Variants in NEGR1 observed in about 807,000 individuals in gnomAD.
NEGR1 encodes the protein IgLON family member 4.
A neutral mutation model predicts 40.9 loss-of-function variants in NEGR1; 10 were observed. The ratio of observed to expected loss-of-function variants is 0.24; its 90% CI spans 0.15 to 0.42. NEGR1 has a LOEUF of 0.42. Among genes scored for constraint, NEGR1 ranks in the 10% least tolerant of loss-of-function variants. The probability of loss-of-function intolerance (pLI) is 1.00; values close to 1 mark genes in which losing one functional copy is unlikely to be tolerated. For synonymous variants in NEGR1, 185 were observed against 166.8 expected, an observed-to-expected ratio of 1.11 and a Z score of -0.84; for missense variants, 352 against 438.9, an observed-to-expected ratio of 0.80 and a Z score of 1.77.
intron 3 of NEGR1, among the ~76,000 whole-genome samples, chr1:71,737,654 C>T (rs976394603): frequency 1.3e-5 from 2 of 151,930 alleles, no homozygotes; most frequent in Non-Finnish European, 2.9e-5. Context: ...CCACAAATAA[C>T]CAGTGCAAAG....
intron 1 of NEGR1, among the ~76,000 whole-genome samples, chr1:72,020,084 TTTA>T (rs1414407953): frequency 1.3e-5 from 2 of 152,238 alleles, no homozygotes; most frequent in African/African-American, 4.8e-5. Flanking sequence ...CACTGCATAC[TTTA>T]TTATTATTCC....
At chr1:71,744,228 G>T (rs1655308454) in intron 3 of NEGR1, among the ~76,000 whole-genome samples, 1 of 150,464 alleles carries the variant, frequency 6.6e-6, no homozygotes, top group Non-Finnish European at 1.5e-5. Context: ...CTGCTCTGCA[G>T]CCATAATTTA....
At chr1:71,638,633 T>C (rs112402443) in intron 4 of NEGR1, among the ~76,000 whole-genome samples, 26 of 152,204 alleles carry the variant, frequency 1.7e-4, no homozygotes, top group African/African-American at 5.8e-4. Flanking sequence ...GTTCTGTAAG[T>C]ACTATTATGA....
intron 2 of NEGR1, among the ~76,000 whole-genome samples, chr1:71,836,043 G>A (rs1352093634): frequency 2.0e-5 from 3 of 152,020 alleles, no homozygotes; most frequent in Non-Finnish European, 2.9e-5. Context: ...AGCTATTGCA[G>A]GGTGGCTGAT....
Position 71,417,241 on chromosome 1 carries a change from T to G in NEGR1, c.941-9671A>C, listed in dbSNP as rs185743511. Reference sequence around the variant, plus strand: ...CTTGACTCTGTAGGATCATATTTAATTTACTTTTATATGACTCATAGCATT... The same window carrying G: ...CTTGACTCTGTAGGATCATATTTAAGTTACTTTTATATGACTCATAGCATT... On this transcript the variant is annotated intron_variant, in intron 6 of 6. Transcript: ENST00000357731. Among the ~76,000 whole-genome samples the G allele has an allele frequency of 2.8e-3, 419 of 152,340 alleles. 5 individuals carry two copies. The highest frequency in any genetic ancestry group is 0.018 in the Admixed American group (283 of 15,304).
chr1:71,873,501 C>A (rs916152485), intron 2 of NEGR1, among the ~76,000 whole-genome samples: 1 of 152,050 alleles, frequency 6.6e-6, no homozygotes. Context: ...ATTCTTTCCT[C>A]TCTTTAAAAG....
At chr1:72,074,756 C>T (rs921075834) in intron 1 of NEGR1, among the ~76,000 whole-genome samples, 3 of 151,916 alleles carry the variant, frequency 2.0e-5, no homozygotes, top group African/African-American at 7.2e-5. Flanking sequence ...TCAAATATGC[C>T]TCTATACAGT....
intron 4 of NEGR1, among the ~76,000 whole-genome samples, chr1:71,666,616 T>C (rs569069404): frequency 2.6e-5 from 4 of 152,294 alleles, no homozygotes; most frequent in African/African-American, 9.6e-5. Flanking sequence ...TGCAATTATA[T>C]TGGGATTTAC....
chr1:71,846,165 A>G (rs79700561), intron 2 of NEGR1, among the ~76,000 whole-genome samples: 4,339 of 152,022 alleles, frequency 0.029, 203 homozygotes, highest in African/African-American at 0.099. Context: ...TCCTTACTCT[A>G]GGGCTGTCCT....
intron 1 of NEGR1, among the ~76,000 whole-genome samples, chr1:72,102,740 T>G (rs1312759078): frequency 6.6e-6 from 1 of 152,140 alleles, no homozygotes; most frequent in Non-Finnish European, 1.5e-5. Flanking sequence ...AGTATCATGA[T>G]ACATTTATAT....
intron 1 of NEGR1, among the ~76,000 whole-genome samples, chr1:71,959,012 C>G (rs1646141670): frequency 6.6e-6 from 1 of 150,916 alleles, no homozygotes; most frequent in Non-Finnish European, 1.5e-5. Flanking sequence ...TATGTGGTAT[C>G]TTCCATAATC....
chr1:71,839,998 G>A (rs1237661844), intron 2 of NEGR1, among the ~76,000 whole-genome samples: 2 of 152,188 alleles, frequency 1.3e-5, no homozygotes, highest in South Asian at 2.1e-4. Context: ...TGCAGGTGAC[G>A]ATGTAAAATA....
intron 1 of NEGR1, among the ~76,000 whole-genome samples, chr1:72,226,982 C>G (rs1229172578): frequency 6.6e-6 from 1 of 151,976 alleles, no homozygotes; most frequent in Admixed American, 6.6e-5. Flanking sequence ...AAAATGGAAC[C>G]TATATACATG....
intron 1 of NEGR1, among the ~76,000 whole-genome samples, chr1:72,092,318 G>A (rs992015021): frequency 3.3e-5 from 5 of 152,074 alleles, no homozygotes; most frequent in Non-Finnish European, 7.4e-5. Flanking sequence ...TCTAGTCAAT[G>A]TTCTCTCTCT....
intron 1 of NEGR1, among the ~76,000 whole-genome samples, chr1:71,979,360 G>A (rs79975514): frequency 0.12 from 18,373 of 152,026 alleles, 1,588 homozygotes; most frequent in East Asian, 0.43. Flanking sequence ...AACCTAAAAT[G>A]AAAGTTAGAA....
chr1:71,726,332 A>T (rs1452893896), intron 3 of NEGR1, among the ~76,000 whole-genome samples: 3 of 152,134 alleles, frequency 2.0e-5, no homozygotes, highest in Non-Finnish European at 4.4e-5. Flanking sequence ...CACAAATACA[A>T]CTACTTCTTT....
intron 4 of NEGR1, among the ~76,000 whole-genome samples, chr1:71,686,216 T>C (rs1479337736): frequency 6.6e-6 from 1 of 152,168 alleles, no homozygotes; most frequent in Non-Finnish European, 1.5e-5. Flanking sequence ...GAATTCAGTA[T>C]ATTTGGCCCT....
Position 71,898,964 on chromosome 1 carries a change from CATATATATATATATAGCAT to C in NEGR1, c.409+36096_409+36114del, listed in dbSNP as rs1327866535. Among the ~76,000 whole-genome samples, 774 of 95,914 alleles carry C rather than the reference CATATATATATATATAGCAT, an allele frequency of 8.1e-3. 25 individuals are homozygous for C. Among genetic ancestry groups the C allele is most frequent in the African/African-American group, 0.032 (617 of 19,278 alleles). 62.9% of individuals were successfully genotyped at this position (95,914 alleles called of 152,430 possible). On this transcript the variant is annotated intron_variant, in intron 2 of 6. Transcript: ENST00000357731. Reference sequence around the variant, plus strand: ...ATATATTGCAAATATATATATATAGCATATATATATATATAGCATATATATATATATATATATATATATA... The same window carrying C: ...ATATATTGCAAATATATATATATAGCATATATATATATATATATATATATA...
At chr1:71,781,459 A>T (rs1233958589) in intron 2 of NEGR1, among the ~76,000 whole-genome samples, 4 of 152,144 alleles carry the variant, frequency 2.6e-5, no homozygotes, top group Admixed American at 2.6e-4. Context: ...GGCTCACTGG[A>T]ATCAATTAAA....
Sources: allele counts gnomAD v4.1 joint callset (sites outside exome capture counted in the v4.1 genomes callset), GRCh38; gene constraint gnomAD v4.1.1; transcripts MANE v1.5; gene names NCBI Gene and HGNC (gene_info 2026-07-23, HGNC 2026-07-21).